ADGRB3: variants seen among roughly 807,000 people sequenced by gnomAD.
ADGRB3 encodes the protein brain-specific angiogenesis inhibitor 3.
A neutral mutation model predicts 193.4 loss-of-function variants in ADGRB3; 37 were observed. That is an observed-to-expected ratio of 0.19 (90% CI 0.15 to 0.25). ADGRB3 has a LOEUF of 0.25. ADGRB3 is among the 10% of genes least tolerant of loss of function. The pLI is 1.00. For synonymous variants in ADGRB3, 690 were observed against 644.2 expected (o/e 1.07, Z -1.08); for missense variants, 1,637 against 1,852.9 (o/e 0.88, Z 2.14).
At chr6:69,032,280 A>T (rs1770735620) in intron 13 of ADGRB3, among the ~76,000 whole-genome samples, 1 of 152,238 alleles carries the variant, frequency 6.6e-6, no homozygotes, top group Admixed American at 6.5e-5. Context: ...GGGAAGGTGA[A>T]ATCTAAAGTC....
At chr6:69,062,646 A>G (rs539012968) in intron 15 of ADGRB3, among the ~76,000 whole-genome samples, 10 of 151,882 alleles carry the variant, frequency 6.6e-5, no homozygotes, top group Admixed American at 1.3e-4. Context: ...TTCACAATCC[A>G]TATCTCTTGT....
chr6:69,247,440 C>T (rs1023354722), intron 20 of ADGRB3, among the ~76,000 whole-genome samples: 2 of 152,148 alleles, frequency 1.3e-5, no homozygotes, highest in Non-Finnish European at 2.9e-5. Context: ...TCCTAGGGAC[C>T]GTGTCTGTGT....
chr6:68,972,284 A>G (rs895016610), intron 8 of ADGRB3, among the ~76,000 whole-genome samples: 2 of 152,144 alleles, frequency 1.3e-5, no homozygotes, highest in Non-Finnish European at 1.5e-5. Flanking sequence ...CATCACCACC[A>G]TTCCCAAGCC....
intron 3 of ADGRB3, among the ~76,000 whole-genome samples, chr6:68,685,359 A>G (rs920138915): frequency 6.6e-6 from 1 of 152,166 alleles, no homozygotes; most frequent in Non-Finnish European, 1.5e-5. Context: ...CTCAGAGAAC[A>G]AGAGAGAACT....
chr6:69,350,833 A>T (rs1239766765), intron 26 of ADGRB3, among the ~76,000 whole-genome samples: 1 of 151,874 alleles, frequency 6.6e-6, no homozygotes, highest in Non-Finnish European at 1.5e-5. Context: ...TTTTACAAAA[A>T]CTCAATTATT....
intron 20 of ADGRB3, among the ~76,000 whole-genome samples, chr6:69,291,920 G>A (rs968164884): frequency 2.6e-5 from 4 of 152,058 alleles, no homozygotes; most frequent in African/African-American, 9.7e-5. Flanking sequence ...CCTCATGTGA[G>A]AGGTGCCCTC....
In ADGRB3 at chr6:69,376,082, C is replaced by CTTTTTTT. The variant is rs58780409; in HGVS notation, c.4275+3663_4275+3669dup. The stretch of plus-strand genomic sequence containing the variant: ...CAGTTTTCCATGAAAATTATGTAGC[C>CTTTTTTT]TTTTTTTTTTTTTTTTTTTTTTTTT... On this transcript the variant is annotated intron_variant, in intron 30 of 31. Transcript: ENST00000370598. Among the ~76,000 whole-genome samples the CTTTTTTT allele has an allele frequency of 2.1e-4, 14 of 67,372 alleles. 1 individual carries two copies. The highest frequency in any genetic ancestry group is 6.0e-4 in the East Asian group (1 of 1,660). 44.2% of individuals were successfully genotyped at this position (67,372 alleles called of 152,430 possible).
At chr6:68,777,194 G>A (rs967400603) in intron 3 of ADGRB3, among the ~76,000 whole-genome samples, 1 of 152,106 alleles carries the variant, frequency 6.6e-6, no homozygotes, top group Non-Finnish European at 1.5e-5. Flanking sequence ...GCATGTAAGT[G>A]TGTGTTCTTG....
At chr6:68,781,342 C>A (rs184483182) in intron 3 of ADGRB3, among the ~76,000 whole-genome samples, 12 of 152,082 alleles carry the variant, frequency 7.9e-5, no homozygotes, top group East Asian at 1.9e-4. Flanking sequence ...TATCTTTTAG[C>A]ACATTGCTAC....
chr6:69,078,343 A>G (rs1016970215), intron 17 of ADGRB3, among the ~76,000 whole-genome samples: 4 of 152,028 alleles, frequency 2.6e-5, no homozygotes, highest in Admixed American at 2.6e-4. Context: ...TTGGGCCTCC[A>G]CATCCACCCA....
chr6:69,141,209 C>T (rs9454707), intron 17 of ADGRB3, among the ~76,000 whole-genome samples: 95,910 of 150,196 alleles, frequency 0.64, 31,889 homozygotes, highest in East Asian at 0.95. Context: ...CTGCAAGCTC[C>T]GCCTCCTGGG....
At chr6:68,981,844 T>A (rs1253713971) in intron 10 of ADGRB3, among the ~76,000 whole-genome samples, 3 of 134,590 alleles carry the variant, frequency 2.2e-5, no homozygotes, top group Non-Finnish European at 4.9e-5. Context: ...ATACCTATTT[T>A]GTTATTTATT....
At chr6:68,810,133 T>A (rs1401305925) in intron 3 of ADGRB3, among the ~76,000 whole-genome samples, 1 of 152,182 alleles carries the variant, frequency 6.6e-6, no homozygotes, top group Non-Finnish European at 1.5e-5. Flanking sequence ...TGTTATTATA[T>A]ATGAACATAA....
At chr6:69,090,862 CT>C (rs1208413405) in intron 17 of ADGRB3, among the ~76,000 whole-genome samples, 3 of 152,104 alleles carry the variant, frequency 2.0e-5, no homozygotes, top group African/African-American at 7.2e-5. Context: ...GGGAAATAAG[CT>C]TTACAGTGCT....
At chr6:68,890,200 C>T (rs943640579) in intron 3 of ADGRB3, among the ~76,000 whole-genome samples, 1 of 152,194 alleles carries the variant, frequency 6.6e-6, no homozygotes, top group South Asian at 2.1e-4. Flanking sequence ...GAAAGCCATA[C>T]TTCATCTTGA....
In ADGRB3 at chr6:68,993,797, A is replaced by C. The variant is rs139917351; in HGVS notation, c.1764A>C (p.Arg588=). 33 of 1,613,760 alleles carry C rather than the reference A, an allele frequency of 2.0e-5. No homozygotes were observed. In the African/African-American group the frequency reaches 4.4e-4, roughly 22 times the overall value. ...AAGAGCACCTTGCTAAGGGGCAGCG[A>C]ATGCTGGCAGGTGATGGAATGTCCC... is the stretch of plus-strand genomic sequence containing the variant. ...SIKEHLAKGQ[R]MLAGDGMSQV... is the part of the protein sequence containing the mutation. The change falls in exon 11 of 32, where the codon CGA becomes CGC. Residue 588 remains arginine (R), a synonymous_variant. Transcript: ENST00000370598.
At chr6:68,863,678 C>T (rs1247597784) in intron 3 of ADGRB3, among the ~76,000 whole-genome samples, 1 of 152,046 alleles carries the variant, frequency 6.6e-6, no homozygotes, top group Non-Finnish European at 1.5e-5. Context: ...TAAAATTAAA[C>T]TCTCAGCTTT....
At chr6:68,818,837 C>T (rs1299215584) in intron 3 of ADGRB3, among the ~76,000 whole-genome samples, 1 of 152,042 alleles carries the variant, frequency 6.6e-6, no homozygotes, top group Admixed American at 6.6e-5. Context: ...ATCTTGTAGT[C>T]TTTCTCTCTT....
intron 3 of ADGRB3, among the ~76,000 whole-genome samples, chr6:68,772,936 T>G (rs1371400322): frequency 3.0e-5 from 1 of 33,086 alleles, no homozygotes; most frequent in East Asian, 1.0e-3. Context: ...TATATATACA[T>G]ACACACACAA....
Sources: allele counts gnomAD v4.1 joint callset (sites outside exome capture counted in the v4.1 genomes callset), GRCh38; gene constraint gnomAD v4.1.1; transcripts MANE v1.5; gene names NCBI Gene and HGNC (gene_info 2026-07-23, HGNC 2026-07-21).